Variants in DLGAP1 observed in about 807,000 individuals in gnomAD.
DLGAP1 encodes DLG associated protein 1.
DLGAP1 carries 11 observed loss-of-function variants against 90.8 expected under a neutral mutation model. The observed-to-expected ratio is 0.12, with a 90% CI of 0.08 to 0.20. The LOEUF is 0.20. Ranked by LOEUF, DLGAP1 falls within the 10% of genes least tolerant of loss-of-function variation. The probability of loss-of-function intolerance (pLI) is 1.00; values close to 1 mark genes in which losing one functional copy is unlikely to be tolerated. For missense variants in DLGAP1, 1,050 were observed against 1,333.8 expected (o/e 0.79, Z 3.31); for synonymous variants, 558 against 540.7 (o/e 1.03, Z -0.44).
At chr18:4,401,621 C>T (rs934691893) in intron 1 of DLGAP1, among the ~76,000 whole-genome samples, 2 of 152,088 alleles carry the variant, frequency 1.3e-5, no homozygotes, top group African/African-American at 4.8e-5. Context: ...GGAAGTTGAT[C>T]CACTTCCCTA....
chr18:3,547,301 C>CAAAAA (rs765095049), intron 9 of DLGAP1, among the ~76,000 whole-genome samples: 48 of 45,224 alleles, frequency 1.1e-3, no homozygotes, highest in African/African-American at 1.7e-3. Context: ...GACTCCGTCT[C>CAAAAA]AAAAAAAAAA....
chr18:3,566,133 G>A (rs1420864565), intron 9 of DLGAP1, among the ~76,000 whole-genome samples: 1 of 152,002 alleles, frequency 6.6e-6, no homozygotes, highest in Non-Finnish European at 1.5e-5. Flanking sequence ...TTGGTTATTT[G>A]ATAATTAGTG....
chr18:3,819,360 C>T (rs2067276073), intron 4 of DLGAP1, among the ~76,000 whole-genome samples: 2 of 152,128 alleles, frequency 1.3e-5, no homozygotes, highest in East Asian at 3.9e-4. Context: ...TCAATAAATT[C>T]TGACACTCCA....
intron 12 of DLGAP1, among the ~76,000 whole-genome samples, chr18:3,500,776 A>G (rs2049889111): frequency 6.6e-6 from 1 of 152,178 alleles, no homozygotes; most frequent in Admixed American, 6.5e-5. Context: ...ACATATATCA[A>G]TTCTTAGCAT....
At chr18:3,620,801 G>A (rs1188140744) in intron 7 of DLGAP1, among the ~76,000 whole-genome samples, 1 of 152,066 alleles carries the variant, frequency 6.6e-6, no homozygotes, top group Admixed American at 6.5e-5. Flanking sequence ...CAGGTGATCC[G>A]CCCACCTCGG....
chr18:3,835,434 A>T (rs534752158), intron 4 of DLGAP1, among the ~76,000 whole-genome samples: 1 of 152,032 alleles, frequency 6.6e-6, no homozygotes, highest in African/African-American at 2.4e-5. Context: ...CAGATCATGA[A>T]GTCAGGAGAT....
intron 2 of DLGAP1, among the ~76,000 whole-genome samples, chr18:4,122,448 G>A (rs553011923): frequency 6.6e-6 from 1 of 152,258 alleles, no homozygotes; most frequent in Admixed American, 6.5e-5. Flanking sequence ...ATTTTGAGGG[G>A]GTGATGCGGG....
Position 4,141,304 on chromosome 18 carries a change from A to T in DLGAP1, c.-159+9876T>A, listed in dbSNP as rs148836847. 9.1e-3 allele frequency among the ~76,000 whole-genome samples: 1,383 copies of T among 152,182 alleles called. 15 individuals carry two copies. Among genetic ancestry groups the T allele is most frequent in the Middle Eastern group, 0.034 (10 of 294 alleles). On this transcript the variant is annotated intron_variant, in intron 2 of 12. Transcript: ENST00000315677. ...TTACAGAGACTAAGTAGGCACACCA[A>T]AGATGGCTAATAAGGACATGTAGAA...
chr18:4,431,622 A>C (rs1567917208), intron 1 of DLGAP1, among the ~76,000 whole-genome samples: 1 of 152,192 alleles, frequency 6.6e-6, no homozygotes, highest in Non-Finnish European at 1.5e-5. Context: ...TATGTTAATC[A>C]CATCTTTTAT....
intron 10 of DLGAP1, 32 bp downstream of exon 10, chr18:3,534,162 G>A: frequency 6.3e-7 from 1 of 1,590,644 alleles, no homozygotes; most frequent in Non-Finnish European, 8.6e-7. Context: ...CAGCCCCAGG[G>A]GACGGGTGTG....
chr18:3,732,073 A>G (rs964251816), intron 6 of DLGAP1, among the ~76,000 whole-genome samples: 1 of 152,174 alleles, frequency 6.6e-6, no homozygotes, highest in Non-Finnish European at 1.5e-5. Context: ...CACCTTTAAC[A>G]TACACTTATT....
intron 3 of DLGAP1, among the ~76,000 whole-genome samples, chr18:4,004,267 T>C (rs1047474448): frequency 6.6e-6 from 1 of 152,176 alleles, no homozygotes; most frequent in Non-Finnish European, 1.5e-5. Context: ...CTCCTCTCTA[T>C]GGTATTAATA....
chr18:4,068,718 G>T (rs186537786), intron 2 of DLGAP1, among the ~76,000 whole-genome samples: 20 of 152,284 alleles, frequency 1.3e-4, no homozygotes, highest in African/African-American at 4.8e-4. Flanking sequence ...GAAGCAGCTA[G>T]GTTAGCCGGT....
intron 1 of DLGAP1, chr18:4,275,354 C>T (rs904109142): frequency 1.3e-5 from 2 of 152,130 alleles, no homozygotes; most frequent in African/African-American, 4.8e-5. Context: ...TCCTTCAAGT[C>T]TGCTCAAATG....
intron 2 of DLGAP1, among the ~76,000 whole-genome samples, chr18:4,066,730 G>C (rs72871159): frequency 0.11 from 16,695 of 152,058 alleles, 1,004 homozygotes; most frequent in Non-Finnish European, 0.14. Context: ...TGTTGGGGGG[G>C]TGTAAATTAA....
chr18:4,405,720 T>C (rs1436532961), intron 1 of DLGAP1, among the ~76,000 whole-genome samples: 1 of 152,118 alleles, frequency 6.6e-6, no homozygotes, highest in Non-Finnish European at 1.5e-5. Context: ...TAGAAGACTA[T>C]CTCAAGACAA....
At chr18:4,095,892 G>A (rs537225351) in intron 2 of DLGAP1, among the ~76,000 whole-genome samples, 18 of 151,808 alleles carry the variant, frequency 1.2e-4, no homozygotes, top group African/African-American at 9.7e-5. Flanking sequence ...AGGGGTAGGC[G>A]GAATCTTCGA....
At chr18:3,672,353 G>A (rs1257737594) in intron 7 of DLGAP1, among the ~76,000 whole-genome samples, 1 of 151,702 alleles carries the variant, frequency 6.6e-6, no homozygotes, top group Non-Finnish European at 1.5e-5. Context: ...TGAGGAGGGC[G>A]GATCACCTGA....
intron 4 of DLGAP1, among the ~76,000 whole-genome samples, chr18:3,858,950 G>A (rs1252569122): frequency 6.6e-6 from 1 of 152,126 alleles, no homozygotes; most frequent in African/African-American, 2.4e-5. Flanking sequence ...GAACTTTCAT[G>A]CTTCAGAGCT....
Sources: gnomAD v4.1 joint callset for allele counts (sites outside exome capture counted in the v4.1 genomes callset) on GRCh38, gnomAD v4.1.1 for gene constraint, MANE v1.5 for transcripts, NCBI Gene and HGNC (gene_info 2026-07-23, HGNC 2026-07-21) for gene names.